SMARCA4: variants seen among roughly 807,000 people sequenced by gnomAD.
SMARCA4 encodes the protein SWI/SNF-related matrix-associated actin-dependent regulator of chromatin subfamily A member 4.
In SMARCA4, 31 loss-of-function variants were observed where a neutral mutation model predicts 193.9. The observed-to-expected ratio is 0.16, with a 90% CI of 0.12 to 0.22. The LOEUF (loss-of-function observed/expected upper bound fraction) is 0.22. SMARCA4 is among the 10% of genes least tolerant of loss of function. The pLI, the probability that SMARCA4 is intolerant of heterozygous loss-of-function variation, is 1.00. For missense variants in SMARCA4, 1,148 were observed against 2,296.0 expected (o/e 0.50, Z 10.22); for synonymous variants, 942 against 933.1 (o/e 1.01, Z -0.17).
intron 13 of SMARCA4, among the ~76,000 whole-genome samples, chr19:11,007,545 C>T (rs1280040505): frequency 6.6e-6 from 1 of 151,548 alleles, no homozygotes; most frequent in African/African-American, 2.4e-5. Context: ...TTGAGACCAG[C>T]CCGGGGAATG....
At position 11,015,640 on chromosome 19, in the gene SMARCA4, C is replaced by G. The variant is rs182225683; in HGVS notation, c.2438+2528C>G. On this transcript the variant is annotated intron_variant, in intron 16 of 34. Coordinates refer to ENST00000344626, the MANE Select transcript of SMARCA4 (RefSeq NM_003072.5). Reference sequence around the variant, plus strand: ...AATATCTCATTTCTCTTCCTACTTTCCTCAATAATTTCAGCATCTCTTCTA... The same window carrying G: ...AATATCTCATTTCTCTTCCTACTTTGCTCAATAATTTCAGCATCTCTTCTA... Among the ~76,000 whole-genome samples, 351 of 152,280 alleles carry G rather than the reference C, an allele frequency of 2.3e-3. 2 individuals carry two copies. The highest frequency in any genetic ancestry group is 8.1e-3 in the African/African-American group (336 of 41,530).
chr19:11,033,551 C>T lies in SMARCA4; in HGVS notation c.3774+34C>T, dbSNP rs764975068. ...AGCACCGGCCCCGACCCCTCCCCAG[C>T]GTGAATGGTGGACGCGTGAGCGGCT... On this transcript the variant is annotated intron_variant, in intron 26 of 34. Transcript: ENST00000344626. The surrounding 1 kb of genome is among the most constrained non-coding windows in gnomAD (Gnocchi z 9.8). The T allele has an allele frequency of 1.4e-5, 22 of 1,524,848 alleles. No individual in the cohort carries two copies. Among genetic ancestry groups the T allele is most frequent in the South Asian group, 4.5e-5 (4 of 89,328 alleles). The allele number at this position is 1,524,848 out of a possible 1,614,324, so 94.5% of individuals were successfully genotyped here. A position where few individuals can be genotyped will look rare whatever the true frequency, so the allele number is the denominator to read the frequency against.
chr19:11,041,609 G>C lies in SMARCA4; in HGVS notation c.4424+49G>C. ...GGGGGCTGTAGGGGTCCCCGTGGGAGCAGGCCTGGCATCTGCACTCTGACT... is the reference window on the plus strand; with the variant it reads ...GGGGGCTGTAGGGGTCCCCGTGGGACCAGGCCTGGCATCTGCACTCTGACT... On this transcript the variant is annotated intron_variant, in intron 30 of 34. Transcript: ENST00000344626. This position sits in a 1 kb window ranked among gnomAD's most constrained non-coding sequence, Gnocchi z 5.6. 6.4e-7 allele frequency: 1 copy of C among 1,559,210 alleles called. No individual in the cohort carries two copies. Among genetic ancestry groups the C allele is most frequent in the East Asian group, 2.3e-5 (1 of 44,388 alleles).
chr19:10,991,984 T>G (rs1188266688), intron 8 of SMARCA4, among the ~76,000 whole-genome samples: 1 of 152,166 alleles, frequency 6.6e-6, no homozygotes, highest in East Asian at 1.9e-4. Flanking sequence ...AAATCTAAAA[T>G]CAAGTAAGGA....
At chr19:10,975,389 G>T (rs561386386) in intron 1 of SMARCA4, among the ~76,000 whole-genome samples, 27 of 146,478 alleles carry the variant, frequency 1.8e-4, no homozygotes, top group Admixed American at 1.1e-3. Flanking sequence ...TTGGCTCACT[G>T]CAACCTCCAC....
intron 11 of SMARCA4, among the ~76,000 whole-genome samples, chr19:11,000,294 T>G (rs2087508632): frequency 6.6e-6 from 1 of 151,638 alleles, no homozygotes; most frequent in African/African-American, 2.4e-5. Flanking sequence ...CCCAGCAGTT[T>G]GGGTTGCTAA....
chr19:10,982,705 C>T (rs987662806), intron 1 of SMARCA4, among the ~76,000 whole-genome samples: 12 of 151,932 alleles, frequency 7.9e-5, no homozygotes, highest in Non-Finnish European at 1.5e-4. Context: ...AGGGTTTCAC[C>T]ATGTTACCCA....
chr19:11,021,527 A>G (rs1464372314), intron 18 of SMARCA4, 198 bp from the exon 19 acceptor site: 2 of 726,748 alleles, frequency 2.8e-6, no homozygotes, highest in East Asian at 2.7e-5. Flanking sequence ...TCTCTGCCCA[A>G]GGCTTGCAAG....
chr19:11,025,609 A>C, intron 22 of SMARCA4, 101 bp downstream of exon 22: 1 of 837,298 alleles, frequency 1.2e-6, no homozygotes, highest in Non-Finnish European at 2.0e-6. Flanking sequence ...AGACTCGAAT[A>C]TTTTCATTAG....
intron 8 of SMARCA4, among the ~76,000 whole-genome samples, chr19:10,993,177 G>C (rs2086708707): frequency 1.3e-5 from 2 of 151,310 alleles, no homozygotes; most frequent in African/African-American, 4.9e-5. Context: ...GTAGAGATGG[G>C]GATTCACCCT....
intron 13 of SMARCA4, among the ~76,000 whole-genome samples, chr19:11,004,669 A>G (rs1436175297): frequency 2.6e-5 from 4 of 152,312 alleles, no homozygotes; most frequent in Admixed American, 2.0e-4. Flanking sequence ...ATTTTCAGCT[A>G]GTATGACAGT....
Position 11,003,100 on chromosome 19 carries a change from C to T in SMARCA4, c.1884C>T (p.Leu628=), listed in dbSNP as rs1200703140. The T allele has an allele frequency of 4.3e-6, 7 of 1,613,990 alleles. No individual in the cohort carries two copies. In the Admixed American group the frequency reaches 1.0e-4, roughly 23 times the overall value. ...KVIHVESGKI[L]TGTDAPKAGQ... is the part of the protein sequence containing the mutation. Reference sequence around the variant, plus strand: ...TCCACGTGGAGAGTGGGAAGATCCTCACAGGCACAGATGCCCCCAAAGCCG... The same window carrying T: ...TCCACGTGGAGAGTGGGAAGATCCTTACAGGCACAGATGCCCCCAAAGCCG... The change falls in exon 12 of 35, where the codon CTC becomes CTT. Residue 628 remains leucine, a synonymous_variant. Transcript: ENST00000344626.
chr19:11,060,729 T>A (rs1157014599), intron 34 of SMARCA4, among the ~76,000 whole-genome samples: 1 of 152,218 alleles, frequency 6.6e-6, no homozygotes, highest in African/African-American at 2.4e-5. Flanking sequence ...ACTTTGCTTC[T>A]CAAGCTTCAG....
rs2146821386 is a variant in SMARCA4 at position 11,041,502 on chromosome 19, C to T, written c.4366C>T (p.Pro1456Ser). ...TGCCGAGAAACTCTCCCCTAACCCA[C>T]CCAACCTCACCAAGAAGATGAAGAA... ...PPAEKLSPNPPNLTKKMKKIV... is the reference protein window; with the variant it reads ...PPAEKLSPNPSNLTKKMKKIV... The change falls in exon 30 of 35, where the codon CCC (proline) becomes TCC (serine). Residue 1456 changes from proline to serine, a missense_variant. Transcript: ENST00000344626. The surrounding 1 kb of genome is among the most constrained non-coding windows in gnomAD (Gnocchi z 5.6). The T allele has an allele frequency of 6.2e-7, 1 of 1,613,924 alleles. No individual in the cohort carries two copies. Among genetic ancestry groups the T allele is most frequent in the Non-Finnish European group, 8.5e-7 (1 of 1,180,016 alleles).
chr19:11,017,071 A>G (rs1044356720), intron 16 of SMARCA4, among the ~76,000 whole-genome samples: 2 of 152,086 alleles, frequency 1.3e-5, no homozygotes, highest in African/African-American at 2.4e-5. Context: ...TTGTGCACGT[A>G]TCGTCTAAAA....
At chr19:11,010,080 C>G (rs1389575419) in intron 14 of SMARCA4, among the ~76,000 whole-genome samples, 1 of 152,154 alleles carries the variant, frequency 6.6e-6, no homozygotes, top group Non-Finnish European at 1.5e-5. Context: ...CCTGCTTCAG[C>G]CTCCCAAAGT....
intron 30 of SMARCA4, among the ~76,000 whole-genome samples, chr19:11,048,124 G>C (rs374504094): frequency 2.0e-5 from 3 of 152,158 alleles, no homozygotes; most frequent in East Asian, 3.9e-4. Flanking sequence ...AGAAGAGCTT[G>C]AATGGAATAA....
intron 1 of SMARCA4, among the ~76,000 whole-genome samples, chr19:10,966,604 G>A (rs2084239298): frequency 3.3e-5 from 5 of 151,382 alleles, no homozygotes; most frequent in Admixed American, 2.0e-4. Context: ...GCCGGGGGTT[G>A]GGCTGGGCGC....
At chr19:11,018,487 G>T (rs1024321510) in intron 16 of SMARCA4, among the ~76,000 whole-genome samples, 2 of 152,104 alleles carry the variant, frequency 1.3e-5, no homozygotes, top group African/African-American at 4.8e-5. Context: ...GCCCCTCACT[G>T]TCCTCGTTCT....
Sources: gnomAD v4.1 joint callset for allele counts (sites outside exome capture counted in the v4.1 genomes callset) on GRCh38, gnomAD v4.1.1 for gene constraint, Gnocchi (gnomAD v3.1) non-coding constraint, MANE v1.5 for transcripts, NCBI Gene and HGNC (gene_info 2026-07-23, HGNC 2026-07-21) for gene names.